The following LGSN variants were observed in gnomAD, a reference collection of about 807,000 sequenced individuals.
The protein encoded by LGSN is lengsin, lens protein with glutamine synthetase domain.
A neutral mutation model predicts 19.5 loss-of-function variants in LGSN; 21 were observed. The ratio of observed to expected loss-of-function variants is 1.07; its 90% CI spans 0.76 to 1.55. The LOEUF is 1.55. Ranked by LOEUF, LGSN falls within the 40% of genes most tolerant of loss-of-function variation. The pLI, the probability that LGSN is intolerant of heterozygous loss-of-function variation, is 0.00. For synonymous variants in LGSN, 257 were observed against 215.6 expected, an observed-to-expected ratio of 1.19 and a Z score of -1.68; for missense variants, 673 against 608.5, an observed-to-expected ratio of 1.11 and a Z score of -1.12.
chr6:63,374,320 A>G, the LGSN span, among the ~76,000 whole-genome samples: 4 of 152,320 alleles, frequency 2.6e-5, no homozygotes, highest in African/African-American at 9.6e-5. Context: ...ATAGAGCGCC[A>G]TGATATTTTT....
At chr6:63,572,877 TGGCCGGCCGATTGC>T in the LGSN span, among the ~76,000 whole-genome samples, 1 of 151,994 alleles carries the variant, frequency 6.6e-6, no homozygotes, top group South Asian at 2.1e-4. Flanking sequence ...TATGGCCCTG[TGGCCGGCCGATTGC>T]GGCCGGCTGT....
At chr6:63,565,306 T>A in the LGSN span, among the ~76,000 whole-genome samples, 1 of 152,154 alleles carries the variant, frequency 6.6e-6, no homozygotes, top group African/African-American at 2.4e-5. Flanking sequence ...CTAATGTGAA[T>A]ACACATTCTC....
the LGSN span, among the ~76,000 whole-genome samples, chr6:63,331,112 T>C: frequency 6.6e-6 from 1 of 152,138 alleles, no homozygotes; most frequent in Non-Finnish European, 1.5e-5. Context: ...ATTTCTTTGC[T>C]TATTTCCTTC....
At chr6:63,329,055 T>C in the LGSN span, among the ~76,000 whole-genome samples, 1 of 152,218 alleles carries the variant, frequency 6.6e-6, no homozygotes, top group Non-Finnish European at 1.5e-5. Context: ...CTAGACAACT[T>C]GTACCCTTGA....
rs1370235741 is a variant in LGSN, at chr6:63,279,377, A to T, written c.*644T>A. ...TCAGCTCCAATTCTATTCCTTAGGG[A>T]TTTGTTTCTTGAGGACATTATAACC... On this transcript the variant is annotated 3_prime_UTR_variant, in exon 4 of 4. Coordinates refer to ENST00000370657, the MANE Select transcript of LGSN (RefSeq NM_016571.3). The T allele has an allele frequency of 6.6e-6, 1 of 152,156 alleles. No homozygotes were observed. Among genetic ancestry groups the T allele is most frequent in the Non-Finnish European group, 1.5e-5 (1 of 68,030 alleles). 9.4% of individuals were successfully genotyped at this position (152,156 alleles called of 1,614,324 possible). A position where few individuals can be genotyped will look rare whatever the true frequency, so the allele number is the denominator to read the frequency against.
At chr6:63,383,974 C>T in the LGSN span, among the ~76,000 whole-genome samples, 2 of 152,204 alleles carry the variant, frequency 1.3e-5, no homozygotes, top group Non-Finnish European at 2.9e-5. Flanking sequence ...CTAACCACTT[C>T]TCTAACTTGA....
At chr6:63,518,226 C>A in the LGSN span, among the ~76,000 whole-genome samples, 1 of 151,724 alleles carries the variant, frequency 6.6e-6, no homozygotes, top group Non-Finnish European at 1.5e-5. Flanking sequence ...TTTGTGCCAC[C>A]TTTTCCATAA....
chr6:63,312,309 T>C (rs949463848), intron 1 of LGSN, among the ~76,000 whole-genome samples: 1 of 152,202 alleles, frequency 6.6e-6, no homozygotes, highest in Non-Finnish European at 1.5e-5. Context: ...CCTTTGGATA[T>C]ATATCCAGTA....
chr6:63,355,611 C>T, the LGSN span, among the ~76,000 whole-genome samples: 8 of 152,306 alleles, frequency 5.3e-5, no homozygotes, highest in Middle Eastern at 6.8e-3. Context: ...GCCTTTCTCT[C>T]GCTTCTAGTC....
chr6:63,380,083 C>T, the LGSN span, among the ~76,000 whole-genome samples: 1 of 152,192 alleles, frequency 6.6e-6, no homozygotes, highest in African/African-American at 2.4e-5. Flanking sequence ...AGGTGATCCA[C>T]CGCCTTGGCC....
In LGSN at chr6:63,280,519, C is replaced by T. The variant is rs1365153155; in HGVS notation, c.1032G>A (p.Trp344Ter). 1 of 1,614,104 alleles carries T rather than the reference C, an allele frequency of 6.2e-7. No individual in the cohort carries two copies. The change falls in exon 4 of 4, where the codon TGG becomes TGA. Residue 344 changes from tryptophan (W) to a stop codon, truncating the protein, a stop_gained. Transcript: ENST00000370657. LOFTEE classifies it low-confidence loss of function (END_TRUNC). ...CAGAGTGCTTCAAGAGTCCTGCCAA[C>T]CATTTTTTCCCAGTGATCGTGAGCT... ...TEQLTITGKK[W>*]LAGLLKHSAA...
the LGSN span, among the ~76,000 whole-genome samples, chr6:63,412,760 AAAGAAAGAAAGGAAG>A: frequency 0.013 from 658 of 50,234 alleles, 17 homozygotes; most frequent in Middle Eastern, 0.028. Flanking sequence ...AGAAAGAAAG[AAAGAAAGAAAGGAAG>A]GAAGGGAAGG....
chr6:63,294,807 C>T, intron 2 of LGSN, 106 bp downstream of exon 2: 13 of 1,128,056 alleles, frequency 1.2e-5, no homozygotes, highest in South Asian at 2.7e-5. Flanking sequence ...TTTATTTGTC[C>T]TTTTGCTTCT....
the LGSN span, among the ~76,000 whole-genome samples, chr6:63,343,540 A>G: frequency 6.6e-6 from 1 of 152,202 alleles, no homozygotes; most frequent in Non-Finnish European, 1.5e-5. Flanking sequence ...GCAGATGACA[A>G]TGAGTAGGGT....
At chr6:63,560,576 T>C in the LGSN span, among the ~76,000 whole-genome samples, 1 of 151,568 alleles carries the variant, frequency 6.6e-6, no homozygotes, top group East Asian at 1.9e-4. Flanking sequence ...ATCTGTGTAT[T>C]TTTTTTAAGT....
At chr6:63,296,056 G>T (rs1473997358) in intron 1 of LGSN, among the ~76,000 whole-genome samples, 1 of 152,080 alleles carries the variant, frequency 6.6e-6, no homozygotes, top group Non-Finnish European at 1.5e-5. Flanking sequence ...AACTGCTGGG[G>T]AGCAGCTGTA....
chr6:63,407,666 G>A, the LGSN span, among the ~76,000 whole-genome samples: 1 of 152,136 alleles, frequency 6.6e-6, no homozygotes, highest in Non-Finnish European at 1.5e-5. Flanking sequence ...CATAGTGTTG[G>A]AAGTTCTGGC....
At position 63,288,361 on chromosome 6, in the gene LGSN, C is replaced by T. The variant is rs1231091412; in HGVS notation, c.164-2608G>A. On this transcript the variant is annotated intron_variant, in intron 2 of 3. Coordinates refer to ENST00000370657, the MANE Select transcript of LGSN (RefSeq NM_016571.3). ...GTACCTAGGAATCAGCCAGAAAGAG[C>T]CCTACCCTCATAGAACTTTATATTA... is the stretch of plus-strand genomic sequence containing the variant. 4.0e-5 allele frequency among the ~76,000 whole-genome samples: 6 copies of T among 151,570 alleles called. No individual in the cohort carries two copies. The South Asian group carries it at 1.0e-3, about 26-fold the overall frequency.
At chr6:63,408,987 T>C in the LGSN span, among the ~76,000 whole-genome samples, 1 of 152,234 alleles carries the variant, frequency 6.6e-6, no homozygotes, top group East Asian at 1.9e-4. Context: ...TATAGCTCAT[T>C]GCAGCCTCGA....
Sources: allele counts gnomAD v4.1 joint callset (sites outside exome capture counted in the v4.1 genomes callset), GRCh38; gene constraint gnomAD v4.1.1; transcripts MANE v1.5; gene names NCBI Gene and HGNC (gene_info 2026-07-23, HGNC 2026-07-21).